NIPBL: variants seen among roughly 807,000 people sequenced by gnomAD.
NIPBL encodes NIPBL cohesin loading factor, also known as nipped-B-like protein.
NIPBL carries 19 observed loss-of-function variants against 321.8 expected under a neutral mutation model. The observed-to-expected ratio is 0.06, with a 90% CI of 0.04 to 0.09. The LOEUF (loss-of-function observed/expected upper bound fraction) is 0.09. Among genes scored for constraint, NIPBL ranks in the 10% least tolerant of loss-of-function variants. The probability of loss-of-function intolerance (pLI) is 1.00; values close to 1 mark genes in which losing one functional copy is unlikely to be tolerated. For missense variants in NIPBL, 2,210 were observed against 3,327.0 expected (o/e 0.66, Z 8.26); for synonymous variants, 1,106 against 1,114.1 (o/e 0.99, Z 0.14).
chr5:36,880,207 A>G (rs1745399226), intron 1 of NIPBL, among the ~76,000 whole-genome samples: 1 of 151,984 alleles, frequency 6.6e-6, no homozygotes, highest in Non-Finnish European at 1.5e-5. Context: ...TTCTTCAACT[A>G]ATTTCATATT....
At chr5:36,984,130 T>A (rs1001119485) in intron 9 of NIPBL, among the ~76,000 whole-genome samples, 1 of 152,120 alleles carries the variant, frequency 6.6e-6, no homozygotes, top group Non-Finnish European at 1.5e-5. Context: ...AAATTCTTTT[T>A]TTAAATTCAT....
At chr5:37,047,697 A>G (rs1236626407) in intron 38 of NIPBL, among the ~76,000 whole-genome samples, 1 of 152,216 alleles carries the variant, frequency 6.6e-6, no homozygotes, top group Non-Finnish European at 1.5e-5. Flanking sequence ...AATAAAAGAC[A>G]TCTTGCCTGG....
At chr5:37,058,663 A>C (rs965153134) in intron 43 of NIPBL, among the ~76,000 whole-genome samples, 1 of 152,132 alleles carries the variant, frequency 6.6e-6, no homozygotes, top group South Asian at 2.1e-4. Flanking sequence ...ATATTTCAGA[A>C]GGATTTTTTT....
At chr5:36,951,329 C>G (rs534672359) in intron 1 of NIPBL, among the ~76,000 whole-genome samples, 1 of 152,252 alleles carries the variant, frequency 6.6e-6, no homozygotes, top group South Asian at 2.1e-4. Context: ...CAGTAGAATC[C>G]TCTAGCATAT....
intron 34 of NIPBL, 124 bp downstream of exon 34, chr5:37,038,862 G>A: frequency 1.0e-6 from 1 of 974,620 alleles, no homozygotes; most frequent in Non-Finnish European, 1.5e-6. Context: ...TTAGATATAT[G>A]TACTATTTGT....
rs756211018 is a variant in NIPBL, at chr5:37,007,495, T to A, written c.4239+21T>A. 6 of 1,567,448 alleles carry A rather than the reference T, an allele frequency of 3.8e-6. No homozygotes were observed. The Admixed American group carries it at 1.0e-4, about 26-fold the overall frequency. ...TTCAGGTAAGATTTTTTGGTAAGCA[T>A]TTTGTATATTTCTAAACTAAATGAT... On this transcript the variant is annotated intron_variant, in intron 18 of 46. Coordinates refer to ENST00000282516, the MANE Select transcript of NIPBL (RefSeq NM_133433.4).
At chr5:37,045,111 G>C (rs1752836921) in intron 36 of NIPBL, among the ~76,000 whole-genome samples, 1 of 152,228 alleles carries the variant, frequency 6.6e-6, no homozygotes, top group South Asian at 2.1e-4. Context: ...CAGCACTTTG[G>C]GAGGCCACGG....
chr5:36,885,128 A>G, intron 1 of NIPBL: 1 of 398,436 alleles, frequency 2.5e-6, no homozygotes, highest in South Asian at 2.2e-5. Context: ...AATGAGAAAT[A>G]CGTTACAGCA....
At chr5:36,966,866 A>G (rs1053779191) in intron 6 of NIPBL, among the ~76,000 whole-genome samples, 8 of 152,084 alleles carry the variant, frequency 5.3e-5, no homozygotes, top group African/African-American at 1.9e-4. Flanking sequence ...AAGTCATAAA[A>G]TTATAAGAAA....
At chr5:36,918,304 C>T (rs1201797806) in intron 1 of NIPBL, among the ~76,000 whole-genome samples, 1 of 152,054 alleles carries the variant, frequency 6.6e-6, no homozygotes, top group Admixed American at 6.6e-5. Context: ...TGGGAGTTCA[C>T]TCATGATTTG....
At chr5:36,956,683 G>A (rs1740996827) in intron 3 of NIPBL, among the ~76,000 whole-genome samples, 1 of 139,134 alleles carries the variant, frequency 7.2e-6, no homozygotes, top group African/African-American at 2.8e-5. Context: ...GGAGTGCAGT[G>A]GTGCGATCTC....
intron 18 of NIPBL, 127 bp downstream of exon 18, chr5:37,007,601 T>C: frequency 1.6e-6 from 1 of 641,832 alleles, no homozygotes. Flanking sequence ...GAGTATGTTA[T>C]ATCTAAATCG....
rs1395188706 is a variant in NIPBL, at chr5:37,026,256, C to T, written c.5737C>T (p.Leu1913Phe). ...ATTAGTAAATGAAACATTCCAGAAA[C>T]TCTGGTTTACTCCAACTCCACACAA... ...KKLVNETFQKLWFTPTPHNDK... is the reference protein window; with the variant it reads ...KKLVNETFQKFWFTPTPHNDK... The change falls in exon 31 of 47, where the codon CTC becomes TTC. Residue 1913 changes from leucine to phenylalanine, a missense_variant. Leu to Phe is a conservative substitution (Grantham distance 22, BLOSUM62 0). Transcript: ENST00000282516. 30 of 1,609,396 alleles carry T rather than the reference C, an allele frequency of 1.9e-5. No homozygotes were observed. The highest frequency in any genetic ancestry group is 2.6e-5 in the Non-Finnish European group (30 of 1,176,148).
intron 4 of NIPBL, among the ~76,000 whole-genome samples, chr5:36,959,151 G>A (rs1040791745): frequency 6.6e-6 from 1 of 152,206 alleles, no homozygotes; most frequent in African/African-American, 2.4e-5. Flanking sequence ...AGGCTGCAGT[G>A]AGCTGAGATT....
chr5:36,940,158 A>G (rs1240264464), intron 1 of NIPBL, among the ~76,000 whole-genome samples: 1 of 152,182 alleles, frequency 6.6e-6, no homozygotes, highest in Non-Finnish European at 1.5e-5. Context: ...CCTTAAAGCT[A>G]TGACTAATTC....
chr5:36,920,031 A>G (rs954494989), intron 1 of NIPBL, among the ~76,000 whole-genome samples: 7 of 152,132 alleles, frequency 4.6e-5, no homozygotes, highest in African/African-American at 1.7e-4. Context: ...GTATTTTGCC[A>G]TTTTCAGGAT....
At chr5:36,957,671 G>A (rs1441030603) in intron 3 of NIPBL, among the ~76,000 whole-genome samples, 1 of 152,012 alleles carries the variant, frequency 6.6e-6, no homozygotes, top group African/African-American at 2.4e-5. Context: ...TTCTCCCAGG[G>A]ATAGCATATT....
At chr5:37,034,913 T>C (rs767564349) in intron 32 of NIPBL, among the ~76,000 whole-genome samples, 7 of 152,210 alleles carry the variant, frequency 4.6e-5, no homozygotes, top group Non-Finnish European at 7.3e-5. Flanking sequence ...ATTAATTCTT[T>C]TGTGTGTACC....
intron 9 of NIPBL, among the ~76,000 whole-genome samples, chr5:36,982,702 G>A (rs373078549): frequency 6.6e-6 from 1 of 151,358 alleles, no homozygotes; most frequent in Non-Finnish European, 1.5e-5. Context: ...ATGTCTTTAC[G>A]TAAATTGGAT....
Sources: gnomAD v4.1 joint callset for allele counts (sites outside exome capture counted in the v4.1 genomes callset) on GRCh38, gnomAD v4.1.1 for gene constraint, MANE v1.5 for transcripts, NCBI Gene and HGNC (gene_info 2026-07-23, HGNC 2026-07-21) for gene names.